The following DNAJC24 variants were observed in gnomAD, a reference collection of about 807,000 sequenced individuals.
The protein encoded by DNAJC24 is dnaJ homolog subfamily C member 24.
Under a neutral mutation model 18.0 loss-of-function variants are expected in DNAJC24, and 17 were observed. The observed-to-expected ratio is 0.94, with a 90% CI of 0.65 to 1.42. The LOEUF is 1.42. DNAJC24 is among the 40% of genes most tolerant of loss of function. The probability of loss-of-function intolerance (pLI) is 0.00; values close to 1 mark genes in which losing one functional copy is unlikely to be tolerated. For synonymous variants in DNAJC24, 55 were observed against 57.7 expected, an observed-to-expected ratio of 0.95 and a Z score of 0.21; for missense variants, 158 against 175.6, an observed-to-expected ratio of 0.90 and a Z score of 0.57.
intron 2 of DNAJC24, among the ~76,000 whole-genome samples, chr11:31,401,932 GA>G: frequency 6.6e-6 from 1 of 152,276 alleles, no homozygotes; most frequent in African/African-American, 2.4e-5. Flanking sequence ...TCCATAGCAA[GA>G]GTTGCCGTTA....
chr11:31,401,575 CT>C (rs1952601909), intron 2 of DNAJC24, among the ~76,000 whole-genome samples: 2 of 151,862 alleles, frequency 1.3e-5, no homozygotes, highest in Non-Finnish European at 2.9e-5. Context: ...TTTGCTTCTT[CT>C]TCTTGGAGCT....
chr11:31,404,992 T>C (rs933404811), intron 2 of DNAJC24, among the ~76,000 whole-genome samples: 1 of 151,988 alleles, frequency 6.6e-6, no homozygotes, highest in Non-Finnish European at 1.5e-5. Flanking sequence ...TAGTACAGAA[T>C]TGGTATGTGA....
At chr11:31,413,579 G>T (rs1429832853) in intron 2 of DNAJC24, among the ~76,000 whole-genome samples, 1 of 151,934 alleles carries the variant, frequency 6.6e-6, no homozygotes, top group Non-Finnish European at 1.5e-5. Flanking sequence ...TGATCCGCCC[G>T]CCTTGGCCTC....
intron 2 of DNAJC24, among the ~76,000 whole-genome samples, chr11:31,379,791 C>T (rs1485996594): frequency 6.6e-6 from 1 of 151,890 alleles, no homozygotes; most frequent in Non-Finnish European, 1.5e-5. Flanking sequence ...AGAGTCTCAC[C>T]CTGTCGTCCA....
chr11:31,415,124 C>A, intron 3 of DNAJC24, 175 bp downstream of exon 3: 1 of 624,384 alleles, frequency 1.6e-6, no homozygotes, highest in Non-Finnish European at 2.5e-6. Flanking sequence ...TATTGTGTAT[C>A]CATTGAGAAG....
chr11:31,370,557 A>T (rs185822772), intron 1 of DNAJC24, among the ~76,000 whole-genome samples, 159 bp from the exon 2 acceptor site: 2 of 152,236 alleles, frequency 1.3e-5, no homozygotes, highest in African/African-American at 4.8e-5. Context: ...TATACCTGGA[A>T]TTCTTGGGGC....
intron 4 of DNAJC24, among the ~76,000 whole-genome samples, chr11:31,429,225 T>TA (rs35395087): frequency 2.8e-3 from 383 of 137,858 alleles, no homozygotes; most frequent in African/African-American, 4.0e-3. Flanking sequence ...CCTTACTGAT[T>TA]AAAAAAAAAA....
chr11:31,421,898 A>G lies in DNAJC24; in HGVS notation c.251-4389A>G. 1.7e-5 allele frequency: 7 copies of G among 415,164 alleles called. 1 individual carries two copies. Among genetic ancestry groups the G allele is most frequent in the South Asian group, 1.3e-4 (7 of 54,438 alleles). The allele number at this position is 415,164 out of a possible 1,614,324, so 25.7% of individuals were successfully genotyped here. ...GTAAGCTTTACTGAACCAAGCTGCT[A>G]ATAGTTATTTAATGTTATTCTTCAG... is the stretch of plus-strand genomic sequence containing the variant. On this transcript the variant is annotated intron_variant, in intron 3 of 4. Coordinates refer to ENST00000465995, the MANE Select transcript of DNAJC24 (RefSeq NM_181706.5).
chr11:31,408,089 A>G (rs1174097953), intron 2 of DNAJC24: 3 of 455,868 alleles, frequency 6.6e-6, no homozygotes, highest in Admixed American at 2.4e-5. Context: ...ACACATTGCA[A>G]TTTTCATTGT....
chr11:31,399,151 C>A (rs775730694), intron 2 of DNAJC24, among the ~76,000 whole-genome samples: 1 of 152,018 alleles, frequency 6.6e-6, no homozygotes, highest in Non-Finnish European at 1.5e-5. Flanking sequence ...GTTTTTATAT[C>A]TTATGTGCAG....
In DNAJC24 at chr11:31,426,246, A is replaced by G. The variant is rs1952859960; in HGVS notation, c.251-41A>G. On this transcript the variant is annotated intron_variant, in intron 3 of 4. Coordinates refer to ENST00000465995, the MANE Select transcript of DNAJC24 (RefSeq NM_181706.5). ...CATTCTTCAAGGTTACAATTAAAGT[A>G]TCATGTTTTACAATTAAGTGTCATG... is the stretch of plus-strand genomic sequence containing the variant. The G allele has an allele frequency of 3.2e-6, 4 of 1,262,168 alleles. No homozygotes were observed. In the African/African-American group the frequency reaches 4.5e-5, roughly 14 times the overall value. The allele number at this position is 1,262,168 out of a possible 1,614,324, so 78.2% of individuals were successfully genotyped here.
intron 2 of DNAJC24, among the ~76,000 whole-genome samples, chr11:31,411,177 A>G (rs1952705377): frequency 6.6e-6 from 1 of 152,184 alleles, no homozygotes; most frequent in African/African-American, 2.4e-5. Context: ...CAAAATTAAC[A>G]TAGACTTTGA....
chr11:31,427,562 G>A (rs907157869), intron 4 of DNAJC24: 3 of 152,002 alleles, frequency 2.0e-5, no homozygotes, highest in African/African-American at 4.8e-5. Flanking sequence ...ATGCACATAT[G>A]TATATATACA....
At chr11:31,403,125 ATG>A (rs3979423) in intron 2 of DNAJC24, among the ~76,000 whole-genome samples, 34,018 of 146,362 alleles carry the variant, frequency 0.23, 4,191 homozygotes, top group East Asian at 0.35. Context: ...GCATATATGC[ATG>A]TGTGTGTGTG....
At chr11:31,392,317 T>G (rs1248498395) in intron 2 of DNAJC24, among the ~76,000 whole-genome samples, 1 of 152,184 alleles carries the variant, frequency 6.6e-6, no homozygotes, top group East Asian at 1.9e-4. Context: ...TACCCTGCTG[T>G]GACTATTATG....
chr11:31,373,261 G>A lies in DNAJC24; in HGVS notation c.111+2402G>A, dbSNP rs1952283551. ...CTCTAAGGTTATGAGAATATTCTTCGATGTTTTCTTCTAGAAGTGGTCATT... is the reference window on the plus strand; with the variant it reads ...CTCTAAGGTTATGAGAATATTCTTCAATGTTTTCTTCTAGAAGTGGTCATT... On this transcript the variant is annotated intron_variant, in intron 2 of 4. Coordinates refer to ENST00000465995, the MANE Select transcript of DNAJC24 (RefSeq NM_181706.5). Among the ~76,000 whole-genome samples the A allele has an allele frequency of 1.5e-5, 2 of 134,162 alleles. 1 individual carries two copies. The highest frequency in any genetic ancestry group is 3.4e-5 in the Non-Finnish European group (2 of 58,134). 88.0% of individuals were successfully genotyped at this position (134,162 alleles called of 152,430 possible). A position where few individuals can be genotyped will look rare whatever the true frequency, so the allele number is the denominator to read the frequency against.
At chr11:31,408,204 GC>G in intron 2 of DNAJC24, 1 of 456,102 alleles carries the variant, frequency 2.2e-6, no homozygotes, top group Non-Finnish European at 4.4e-6. Context: ...CTTCTGACTT[GC>G]CCATGAATTC....
chr11:31,426,475 T>G (rs1260816133), intron 4 of DNAJC24, 120 bp downstream of exon 4: 1 of 584,740 alleles, frequency 1.7e-6, no homozygotes, highest in Non-Finnish European at 2.9e-6. Context: ...TTTCTATATA[T>G]ATGTGGTAAG....
Position 31,375,060 on chromosome 11 carries a change from T to C in DNAJC24, c.111+4201T>C, listed in dbSNP as rs769205640. On this transcript the variant is annotated intron_variant, in intron 2 of 4. Transcript: ENST00000465995. Reference sequence around the variant, plus strand: ...CAGTTGCTGTGGTTCACACTTGTAATCTTAGCTACTTGTGAGGCTGAAGCA... The same window carrying C: ...CAGTTGCTGTGGTTCACACTTGTAACCTTAGCTACTTGTGAGGCTGAAGCA... 5.2e-5 allele frequency among the ~76,000 whole-genome samples: 7 copies of C among 135,226 alleles called. 2 individuals are homozygous for C. Among genetic ancestry groups the C allele is most frequent in the Non-Finnish European group, 1.0e-4 (6 of 58,574 alleles). The allele number at this position is 135,226 out of a possible 152,430, so 88.7% of individuals were successfully genotyped here.
Sources: allele counts gnomAD v4.1 joint callset (sites outside exome capture counted in the v4.1 genomes callset), GRCh38; gene constraint gnomAD v4.1.1; transcripts MANE v1.5; gene names NCBI Gene and HGNC (gene_info 2026-07-23, HGNC 2026-07-21).